The following SCP2 variants were observed in gnomAD, a reference collection of about 807,000 sequenced individuals.
SCP2 encodes sterol carrier protein 2.
Under a neutral mutation model 71.4 loss-of-function variants are expected in SCP2, and 48 were observed. The ratio of observed to expected loss-of-function variants is 0.67; its 90% confidence interval spans 0.53 to 0.86. The LOEUF is 0.86. Ranked by LOEUF, SCP2 falls within the 40% of genes least tolerant of loss-of-function variation. The pLI is 0.00. For synonymous variants in SCP2, 220 were observed against 218.1 expected, an observed-to-expected ratio of 1.01 and a Z score of -0.08; for missense variants, 560 against 655.6, an observed-to-expected ratio of 0.85 and a Z score of 1.59.
At chr1:53,047,277 T>G (rs1663881333) in intron 14 of SCP2, among the ~76,000 whole-genome samples, 1 of 152,222 alleles carries the variant, frequency 6.6e-6, no homozygotes, top group Admixed American at 6.5e-5. Context: ...GTAGAATCAT[T>G]TAATGTAACA....
Position 53,021,294 on chromosome 1 carries a change from C to T in SCP2, c.1235+6251C>T, listed in dbSNP as rs187668235. 2.3e-3 allele frequency among the ~76,000 whole-genome samples: 350 copies of T among 151,420 alleles called. 1 individual carries two copies. Among genetic ancestry groups the T allele is most frequent in the Middle Eastern group, 0.017 (5 of 288 alleles). On this transcript the variant is annotated intron_variant, in intron 12 of 15. Transcript: ENST00000371514. ...AAAGTGCTGAGATGACAGGCATGAGCCACCATGCCTGGCCGTCAACCACTT... is the reference window on the plus strand; with the variant it reads ...AAAGTGCTGAGATGACAGGCATGAGTCACCATGCCTGGCCGTCAACCACTT...
intron 10 of SCP2, among the ~76,000 whole-genome samples, chr1:52,987,505 T>C (rs1195117923): frequency 6.6e-6 from 1 of 152,206 alleles, no homozygotes; most frequent in African/African-American, 2.4e-5. Flanking sequence ...GACAGGAACA[T>C]TGAAGCCACC....
chr1:52,994,861 T>C, intron 11 of SCP2: 1 of 507,548 alleles, frequency 2.0e-6, no homozygotes, highest in Non-Finnish European at 3.9e-6. Flanking sequence ...GCAGCTGGAC[T>C]GTGTCTCCAT....
At chr1:53,046,659 C>T (rs890992316) in intron 14 of SCP2, among the ~76,000 whole-genome samples, 18 of 152,078 alleles carry the variant, frequency 1.2e-4, no homozygotes, top group African/African-American at 4.3e-4. Flanking sequence ...CTTCTCCTCC[C>T]TCTGTCTGCC....
At position 53,015,012 on chromosome 1, in the gene SCP2, C is replaced by T. The variant is rs766042159; in HGVS notation, c.1204C>T (p.Leu402Phe). The T allele has an allele frequency of 1.5e-5, 24 of 1,614,062 alleles. No individual in the cohort carries two copies. The highest frequency in any genetic ancestry group is 6.7e-5 in the Admixed American group (4 of 60,002). The change falls in exon 12 of 16, where the codon CTC (leucine) becomes TTC (phenylalanine). Residue 402 changes from leucine (L) to phenylalanine (F), a missense_variant. Physicochemically the swap from Leu to Phe is conservative, Grantham distance 22. Coordinates refer to ENST00000371514, the MANE Select transcript of SCP2 (RefSeq NM_002979.5). ...CATTGGAGGAGCTGTGGTTGTAACA[C>T]TCTACAAGATGGGTTTTCCGGAAGC... is the stretch of plus-strand genomic sequence containing the variant. ...LGIGGAVVVT[L>F]YKMGFPEAAS...
intron 1 of SCP2, among the ~76,000 whole-genome samples, chr1:52,929,614 T>C (rs1652943150): frequency 6.6e-6 from 1 of 151,766 alleles, no homozygotes; most frequent in Non-Finnish European, 1.5e-5. Flanking sequence ...CCAGCTACTT[T>C]TTGTATTTTT....
chr1:53,050,678 C>G lies in SCP2; in HGVS notation c.1618C>G (p.Leu540Val). 6.2e-7 allele frequency: 1 copy of G among 1,613,320 alleles called. No individual in the cohort carries two copies. The highest frequency in any genetic ancestry group is 8.5e-7 in the Non-Finnish European group (1 of 1,179,360). The stretch of plus-strand genomic sequence containing the variant: ...CGCTATGAAGTTACAAAATCTTCAG[C>G]TTCAGCCAGGCAACGCTAAGCTCTG... ...GLAMKLQNLQ[L>V]QPGNAKL The change falls in exon 16 of 16, where the codon CTT becomes GTT. Residue 540 changes from leucine to valine, a missense_variant. By Grantham distance (32) the Leu-to-Val change is conservative (BLOSUM62 1). Around this residue, in one of 3 missense-constraint regions of SCP2, gnomAD observed 43 missense variants for 65.9 expected, o/e 0.65. Coordinates refer to ENST00000371514, the MANE Select transcript of SCP2 (RefSeq NM_002979.5).
At chr1:53,042,775 T>A (rs1032549013) in intron 14 of SCP2, among the ~76,000 whole-genome samples, 3 of 152,220 alleles carry the variant, frequency 2.0e-5, no homozygotes, top group Non-Finnish European at 2.9e-5. Flanking sequence ...TGTTTATTGT[T>A]AACAAAGTAA....
intron 12 of SCP2, among the ~76,000 whole-genome samples, chr1:53,021,645 CT>C (rs753678066): frequency 0.047 from 4,506 of 95,562 alleles, 179 homozygotes; most frequent in African/African-American, 0.19. Flanking sequence ...CTTTTTCTTT[CT>C]TTTTTTTTTT....
chr1:52,950,168 C>G (rs1306201136), intron 3 of SCP2, among the ~76,000 whole-genome samples: 1 of 152,126 alleles, frequency 6.6e-6, no homozygotes, highest in Non-Finnish European at 1.5e-5. Context: ...GTCGCCCAGG[C>G]TGGAGTGCAG....
At chr1:52,961,066 CTTTTTTTT>C (rs774047289) in intron 5 of SCP2, among the ~76,000 whole-genome samples, 7 of 92,196 alleles carry the variant, frequency 7.6e-5, no homozygotes, top group African/African-American at 2.7e-4. Context: ...TCCTTTGGTT[CTTTTTTTT>C]TTTTTTTTTT....
intron 1 of SCP2, among the ~76,000 whole-genome samples, chr1:52,933,399 GC>G (rs1653348400): frequency 6.6e-6 from 1 of 151,850 alleles, no homozygotes; most frequent in Non-Finnish European, 1.5e-5. Context: ...GGGCAACATG[GC>G]AAAACCTCAT....
Position 52,974,800 on chromosome 1 carries a change from A to T in SCP2, c.555A>T (p.Gly185=), listed in dbSNP as rs1361376336. 2.6e-6 allele frequency: 4 copies of T among 1,549,496 alleles called. No individual in the cohort carries two copies. Among genetic ancestry groups the T allele is most frequent in the Non-Finnish European group, 1.8e-6 (2 of 1,121,252 alleles). ...GTKIEHFAKI[G]WKNHKHSVNN... is the part of the protein sequence containing the mutation. ...AAATTGAACACTTTGCAAAAATTGGATGGAAAAATCATAAACATTCAGTTA... is the reference window on the plus strand; with the variant it reads ...AAATTGAACACTTTGCAAAAATTGGTTGGAAAAATCATAAACATTCAGTTA... Residue 185 remains glycine (G), a synonymous_variant, in exon 7 of 16, where the codon GGA becomes GGT. Coordinates refer to ENST00000371514, the MANE Select transcript of SCP2 (RefSeq NM_002979.5).
chr1:52,953,060 CT>C (rs570429324), intron 4 of SCP2, among the ~76,000 whole-genome samples: 7,378 of 103,648 alleles, frequency 0.071, 533 homozygotes, highest in African/African-American at 0.22. Flanking sequence ...GCAATTCTGT[CT>C]TTTTTTTTTT....
chr1:52,965,845 C>T (rs1426527431), intron 6 of SCP2, among the ~76,000 whole-genome samples: 2 of 151,304 alleles, frequency 1.3e-5, no homozygotes. Flanking sequence ...CTGATTTTAC[C>T]ATGTTGGCCA....
intron 1 of SCP2, among the ~76,000 whole-genome samples, chr1:52,935,857 G>A (rs1490968992): frequency 1.3e-5 from 2 of 152,048 alleles, no homozygotes; most frequent in Non-Finnish European, 2.9e-5. Context: ...AGGATTGCTC[G>A]AGCCCAGGAG....
intron 12 of SCP2, among the ~76,000 whole-genome samples, chr1:53,025,616 C>T (rs1334546607): frequency 6.6e-6 from 1 of 152,124 alleles, no homozygotes; most frequent in Non-Finnish European, 1.5e-5. Context: ...CTCCCTCACC[C>T]CCACAGCAAG....
chr1:52,984,870 G>A (rs1449281201), intron 10 of SCP2, among the ~76,000 whole-genome samples: 2 of 105,220 alleles, frequency 1.9e-5, no homozygotes, highest in Non-Finnish European at 3.9e-5. Flanking sequence ...AGACAGTTTT[G>A]CTCTTGCTGC....
intron 6 of SCP2, among the ~76,000 whole-genome samples, chr1:52,966,729 C>CAAAAAAAAA (rs750547811): frequency 9.6e-6 from 1 of 104,586 alleles, no homozygotes; most frequent in African/African-American, 3.5e-5. Flanking sequence ...ACTAAAGATA[C>CAAAAAAAAA]AAAAAAAAAA....
Sources: allele counts gnomAD v4.1 joint callset (sites outside exome capture counted in the v4.1 genomes callset), GRCh38; gene constraint gnomAD v4.1.1; regional missense constraint gnomAD v4.1.1; transcripts MANE v1.5; gene names NCBI Gene and HGNC (gene_info 2026-07-23, HGNC 2026-07-21).